The following DNMBP variants were observed in gnomAD, a reference collection of about 807,000 sequenced individuals.
The protein encoded by DNMBP is dynamin binding protein.
DNMBP carries 87 observed loss-of-function variants against 150.0 expected under a neutral mutation model. That is an observed-to-expected ratio of 0.58 (90% CI 0.49 to 0.69). The LOEUF is 0.69. DNMBP is among the 30% of genes least tolerant of loss of function. The pLI is 0.00. For synonymous variants in DNMBP, 711 were observed against 750.4 expected (o/e 0.95, Z 0.86); for missense variants, 1,774 against 1,949.0 (o/e 0.91, Z 1.69).
At position 99,894,940 on chromosome 10, in the gene DNMBP, G is replaced by A. The variant is rs1219911052; in HGVS notation, c.3156+6C>T. On this transcript the variant is annotated splice_donor_region_variant and intron_variant, in intron 11 of 16. Transcript: ENST00000324109. ...TTAATCTAACTACAGTGATGTTGATGCTCACCCGGATGTGCTGGAGGTAGA... is the reference window on the plus strand; with the variant it reads ...TTAATCTAACTACAGTGATGTTGATACTCACCCGGATGTGCTGGAGGTAGA... 5 of 1,600,590 alleles carry A rather than the reference G, an allele frequency of 3.1e-6. No homozygotes were observed. Among genetic ancestry groups the A allele is most frequent in the South Asian group, 2.2e-5 (2 of 90,758 alleles).
chr10:99,975,069 T>G (rs1396752044), intron 1 of DNMBP, among the ~76,000 whole-genome samples: 2 of 152,178 alleles, frequency 1.3e-5, no homozygotes, highest in African/African-American at 4.8e-5. Context: ...CTCTGTTAAT[T>G]TATAATCCAG....
chr10:99,949,422 T>C (rs764496160), intron 4 of DNMBP, among the ~76,000 whole-genome samples: 8 of 152,182 alleles, frequency 5.3e-5, no homozygotes, highest in Non-Finnish European at 7.3e-5. Flanking sequence ...TTATAACTTA[T>C]ACAGAACCAG....
chr10:99,877,428 T>TGC, intron 16 of DNMBP, 92 bp from the exon 17 acceptor site: 1 of 965,946 alleles, frequency 1.0e-6, no homozygotes, highest in East Asian at 2.6e-5. Context: ...CACATCCACA[T>TGC]GCCCACATGT....
intron 4 of DNMBP, among the ~76,000 whole-genome samples, chr10:99,949,499 T>C (rs1210558272): frequency 6.6e-6 from 1 of 152,220 alleles, no homozygotes; most frequent in African/African-American, 2.4e-5. Flanking sequence ...GCTTATATTG[T>C]TGGATACACC....
chr10:99,973,767 G>A (rs1393081068), intron 1 of DNMBP, among the ~76,000 whole-genome samples: 1 of 152,228 alleles, frequency 6.6e-6, no homozygotes, highest in Non-Finnish European at 1.5e-5. Flanking sequence ...ATCACCTGAG[G>A]TGAGGAGTTT....
chr10:99,971,770 C>T (rs2040679515), intron 2 of DNMBP, among the ~76,000 whole-genome samples: 1 of 152,002 alleles, frequency 6.6e-6, no homozygotes, highest in Non-Finnish European at 1.5e-5. Flanking sequence ...TCAGGGGATC[C>T]ACCCACCTCA....
intron 11 of DNMBP, among the ~76,000 whole-genome samples, chr10:99,889,734 T>A (rs946835273): frequency 6.6e-6 from 1 of 152,158 alleles, no homozygotes; most frequent in African/African-American, 2.4e-5. Context: ...ATTAGTCTAT[T>A]TCAAGGGCAA....
chr10:99,916,620 G>A (rs530016384), intron 4 of DNMBP, among the ~76,000 whole-genome samples: 4 of 151,172 alleles, frequency 2.6e-5, no homozygotes, highest in Admixed American at 1.3e-4. Flanking sequence ...AAGAGGGATA[G>A]GGGAGTAAAT....
intron 9 of DNMBP, among the ~76,000 whole-genome samples, chr10:99,896,873 A>T (rs2039664125): frequency 6.6e-6 from 1 of 152,240 alleles, no homozygotes; most frequent in African/African-American, 2.4e-5. Flanking sequence ...CACAACCTAC[A>T]GAAAAGTGTA....
intron 1 of DNMBP, among the ~76,000 whole-genome samples, chr10:99,982,238 A>C (rs1027590149): frequency 6.6e-6 from 1 of 152,098 alleles, no homozygotes; most frequent in African/African-American, 2.4e-5. Context: ...TGAGCCCAGG[A>C]GCTCGAGACC....
At chr10:99,930,246 T>C in intron 4 of DNMBP, 2 of 702,972 alleles carry the variant, frequency 2.8e-6, no homozygotes, top group South Asian at 3.0e-5. Flanking sequence ...CAACTGAGGT[T>C]GACCTAAATT....
intron 4 of DNMBP, among the ~76,000 whole-genome samples, chr10:99,933,494 C>G (rs1195284183): frequency 6.7e-6 from 1 of 148,588 alleles, no homozygotes; most frequent in Non-Finnish European, 1.5e-5. Flanking sequence ...GACAGGAAAA[C>G]AAGCTTTATT....
chr10:99,952,960 G>A (rs551729563), intron 4 of DNMBP, among the ~76,000 whole-genome samples: 132 of 152,202 alleles, frequency 8.7e-4, no homozygotes, highest in Non-Finnish European at 1.6e-3. Context: ...TGACTTTCCT[G>A]ATGACACATA....
At chr10:99,890,329 T>C (rs1233514522) in intron 11 of DNMBP, among the ~76,000 whole-genome samples, 1 of 152,210 alleles carries the variant, frequency 6.6e-6, no homozygotes, top group Non-Finnish European at 1.5e-5. Context: ...GTCAATCTAA[T>C]TTTATTATTG....
At chr10:99,907,802 T>A (rs1172864430) in intron 6 of DNMBP, among the ~76,000 whole-genome samples, 193 bp downstream of exon 6, 3 of 152,222 alleles carry the variant, frequency 2.0e-5, no homozygotes, top group Non-Finnish European at 4.4e-5. Flanking sequence ...AAACTACTTC[T>A]ATTGCTAACA....
Position 99,876,277 on chromosome 10 carries a change from G to T in DNMBP, c.*874C>A, listed in dbSNP as rs1360608320. The T allele has an allele frequency of 6.6e-6, 1 of 152,118 alleles. No individual in the cohort carries two copies. Among genetic ancestry groups the T allele is most frequent in the East Asian group, 1.9e-4 (1 of 5,178 alleles). 9.4% of individuals were successfully genotyped at this position (152,118 alleles called of 1,614,324 possible). On this transcript the variant is annotated 3_prime_UTR_variant, in exon 17 of 17. Transcript: ENST00000324109. ...CAGACTGTGTAAAGACCATCAGAAA[G>T]GTGTCATTGAGGTTGCGGTATGGTG...
intron 4 of DNMBP, among the ~76,000 whole-genome samples, chr10:99,923,392 A>AAATAAT (rs35248925): frequency 6.6e-6 from 1 of 151,306 alleles, no homozygotes; most frequent in African/African-American, 2.4e-5. Flanking sequence ...TCTCCAAAAA[A>AAATAAT]AATAATAATA....
Position 99,984,904 on chromosome 10 carries a change from A to G in DNMBP, c.-10-12770T>C, listed in dbSNP as rs188569060. On this transcript the variant is annotated intron_variant, in intron 1 of 16. Coordinates refer to ENST00000324109, the MANE Select transcript of DNMBP (RefSeq NM_015221.4). ...CCCCACACCCAGATAATGAATTTAC[A>G]AATTTTTCCCTTTTTTGTGTACAGA... 7.2e-4 allele frequency among the ~76,000 whole-genome samples: 110 copies of G among 152,000 alleles called. 1 individual carries two copies. Among genetic ancestry groups the G allele is most frequent in the Non-Finnish European group, 1.1e-3 (75 of 68,012 alleles).
chr10:99,903,189 C>T (rs1265536070), intron 6 of DNMBP, among the ~76,000 whole-genome samples: 4 of 151,662 alleles, frequency 2.6e-5, no homozygotes, highest in African/African-American at 4.8e-5. Flanking sequence ...AATCCTCCCG[C>T]CTTGGCCTCC....
Sources: allele counts gnomAD v4.1 joint callset (sites outside exome capture counted in the v4.1 genomes callset), GRCh38; gene constraint gnomAD v4.1.1; transcripts MANE v1.5; gene names NCBI Gene and HGNC (gene_info 2026-07-23, HGNC 2026-07-21).